The following TUSC3 variants were observed in gnomAD, a reference collection of about 807,000 sequenced individuals.
TUSC3 encodes the protein tumor suppressor candidate 3.
Under a neutral mutation model 44.8 loss-of-function variants are expected in TUSC3, and 45 were observed. That is an observed-to-expected ratio of 1.00 (90% CI 0.79 to 1.29). The LOEUF (loss-of-function observed/expected upper bound fraction) is 1.29. TUSC3 is among the 50% of genes most tolerant of loss of function. The pLI, the probability that TUSC3 is intolerant of heterozygous loss-of-function variation, is 0.00. For synonymous variants in TUSC3, 212 were observed against 152.9 expected (o/e 1.39, Z -2.85); for missense variants, 519 against 437.9 (o/e 1.19, Z -1.65).
intron 1 of TUSC3, among the ~76,000 whole-genome samples, chr8:15,562,049 T>A (rs1302396930): frequency 6.6e-6 from 1 of 152,104 alleles, no homozygotes; most frequent in African/African-American, 2.4e-5. Context: ...AATTTTTAAG[T>A]AGGCCTTCAT....
intron 1 of TUSC3, among the ~76,000 whole-genome samples, chr8:15,471,884 C>G (rs1247551335): frequency 6.6e-6 from 1 of 152,072 alleles, no homozygotes; most frequent in African/African-American, 2.4e-5. Flanking sequence ...TCCCAAAGTG[C>G]TAGGATTACA....
rs142855755 is a variant in TUSC3, at chr8:15,596,790, G to C, written c.139-26290G>C. ...AATGTTTTGGTTGGGGTTGAATATA[G>C]TGTTACTGATAACTCTTTTTCTCCC... On this transcript the variant is annotated intron_variant, in intron 1 of 10. Transcript: ENST00000503731. Among the ~76,000 whole-genome samples, 448 of 152,186 alleles carry C rather than the reference G, an allele frequency of 2.9e-3. 2 individuals are homozygous for C. The highest frequency in any genetic ancestry group is 0.011 in the African/African-American group (436 of 41,524).
chr8:15,815,600 C>G, the TUSC3 span, among the ~76,000 whole-genome samples: 2 of 152,142 alleles, frequency 1.3e-5, no homozygotes, highest in South Asian at 2.1e-4. Context: ...ACAGAAGCAT[C>G]TGTCAGCGAT....
At chr8:15,761,283 G>A (rs1000712058) in intron 10 of TUSC3, among the ~76,000 whole-genome samples, 1 of 152,192 alleles carries the variant, frequency 6.6e-6, no homozygotes, top group Admixed American at 6.5e-5. Flanking sequence ...GCTGAGGAGA[G>A]AGCCAGCCTT....
At chr8:15,704,770 T>G (rs915788162) in intron 6 of TUSC3, among the ~76,000 whole-genome samples, 1 of 152,052 alleles carries the variant, frequency 6.6e-6, no homozygotes, top group African/African-American at 2.4e-5. Flanking sequence ...GAGCATTGTT[T>G]GCTCCTATAT....
chr8:15,521,261 C>A (rs1445976809), intron 2 of TUSC3, among the ~76,000 whole-genome samples: 1 of 152,120 alleles, frequency 6.6e-6, no homozygotes, highest in Admixed American at 6.6e-5. Flanking sequence ...GACGCTTGAT[C>A]CTCGGCTGGG....
intron 1 of TUSC3, among the ~76,000 whole-genome samples, chr8:15,610,431 T>G (rs1804709972): frequency 6.6e-6 from 1 of 152,156 alleles, no homozygotes; most frequent in Non-Finnish European, 1.5e-5. Flanking sequence ...GTTGATGTGT[T>G]TCTGTGAATT....
chr8:15,698,890 G>T (rs1361006484), intron 6 of TUSC3, among the ~76,000 whole-genome samples: 2 of 150,286 alleles, frequency 1.3e-5, no homozygotes, highest in South Asian at 2.1e-4. Context: ...CTGTGGCCCA[G>T]GCTGGAGTTC....
At chr8:15,758,102 T>G in intron 10 of TUSC3, 1 of 1,259,300 alleles carries the variant, frequency 7.9e-7, no homozygotes, top group Non-Finnish European at 1.0e-6. Flanking sequence ...GATGCAATGC[T>G]TCCACCCCCA....
At chr8:15,519,780 A>G (rs577282106) in intron 2 of TUSC3, among the ~76,000 whole-genome samples, 1 of 152,292 alleles carries the variant, frequency 6.6e-6, no homozygotes, top group East Asian at 1.9e-4. Context: ...TAATTGTAGA[A>G]AGGTCTATAT....
intron 1 of TUSC3, among the ~76,000 whole-genome samples, chr8:15,443,537 G>A (rs920005187): frequency 2.0e-5 from 3 of 152,174 alleles, no homozygotes; most frequent in South Asian, 2.1e-4. Context: ...TAAATTAACC[G>A]AATCCATCTT....
intron 1 of TUSC3, among the ~76,000 whole-genome samples, chr8:15,572,047 C>T (rs915188594): frequency 2.6e-5 from 4 of 152,132 alleles, no homozygotes; most frequent in Non-Finnish European, 5.9e-5. Context: ...ACGTTGGCTT[C>T]AACTTTAAGT....
chr8:15,425,268 G>A (rs1025559094), intron 1 of TUSC3, among the ~76,000 whole-genome samples: 3 of 152,220 alleles, frequency 2.0e-5, no homozygotes, highest in Non-Finnish European at 2.9e-5. Flanking sequence ...CCCAGTTGAA[G>A]TTGGAAACTA....
chr8:15,744,034 A>G (rs775324307), intron 8 of TUSC3, among the ~76,000 whole-genome samples: 5 of 152,210 alleles, frequency 3.3e-5, no homozygotes, highest in Non-Finnish European at 7.3e-5. Flanking sequence ...AAGCTTCTGC[A>G]TAGGTATTGT....
At chr8:15,740,360 G>A (rs1357578185) in intron 7 of TUSC3, among the ~76,000 whole-genome samples, 2 of 151,848 alleles carry the variant, frequency 1.3e-5, no homozygotes, top group African/African-American at 4.8e-5. Context: ...GCATAAATTT[G>A]GCCACATTAA....
chr8:15,643,156 C>T (rs1015572633), intron 2 of TUSC3, among the ~76,000 whole-genome samples: 2 of 152,102 alleles, frequency 1.3e-5, no homozygotes, highest in African/African-American at 2.4e-5. Context: ...GAAGAAGGTG[C>T]CTTGCTTCCC....
intron 6 of TUSC3, among the ~76,000 whole-genome samples, chr8:15,726,294 A>T (rs1399416667): frequency 6.6e-6 from 1 of 152,158 alleles, no homozygotes; most frequent in South Asian, 2.1e-4. Flanking sequence ...AACAAAATAT[A>T]TAATTTTTTA....
In TUSC3 at chr8:15,662,260, C is replaced by T. The variant is rs775918255; in HGVS notation, c.672C>T (p.Phe224=). 2 of 1,612,916 alleles carry T rather than the reference C, an allele frequency of 1.2e-6. No individual in the cohort carries two copies. The highest frequency in any genetic ancestry group is 1.1e-5 in the South Asian group (1 of 91,050). The change falls in exon 5 of 11, where the codon TTC becomes TTT. Residue 224 remains phenylalanine (F), a synonymous_variant. Coordinates refer to ENST00000503731, the MANE Select transcript of TUSC3 (RefSeq NM_006765.4). ...LLYLRRNNLE[F]IYNKTGWAMV... is the part of the protein sequence containing the mutation. ...ATTTGAGAAGGAACAACTTGGAGTT[C>T]ATCTATAACAAGACTGGTTGGGCCA...
At chr8:15,585,460 A>T (rs768271938) in intron 1 of TUSC3, among the ~76,000 whole-genome samples, 1 of 152,178 alleles carries the variant, frequency 6.6e-6, no homozygotes, top group Non-Finnish European at 1.5e-5. Context: ...GAAAGATAAA[A>T]AGCTGTCTGC....
Sources: allele counts gnomAD v4.1 joint callset (sites outside exome capture counted in the v4.1 genomes callset), GRCh38; gene constraint gnomAD v4.1.1; transcripts MANE v1.5; gene names NCBI Gene and HGNC (gene_info 2026-07-23, HGNC 2026-07-21).